MAST4: variants seen among roughly 807,000 people sequenced by gnomAD.
MAST4 encodes the protein microtubule-associated serine/threonine-protein kinase 4.
A neutral mutation model predicts 162.7 loss-of-function variants in MAST4; 89 were observed. The observed-to-expected ratio is 0.55, with a 90% CI of 0.46 to 0.65. MAST4 has a LOEUF of 0.65. Among genes scored for constraint, MAST4 ranks in the 30% least tolerant of loss-of-function variants. MAST4 has a pLI of 0.00. For missense variants in MAST4, 3,153 were observed against 3,374.0 expected, an observed-to-expected ratio of 0.93 and a Z score of 1.62; for synonymous variants, 1,479 against 1,361.1, an observed-to-expected ratio of 1.09 and a Z score of -1.91.
chr5:66,652,844 T>G (rs1199698337), intron 1 of MAST4, among the ~76,000 whole-genome samples: 1 of 152,222 alleles, frequency 6.6e-6, no homozygotes, highest in Non-Finnish European at 1.5e-5. Flanking sequence ...GGAAAAAAAT[T>G]TGTTTGCTCT....
chr5:66,988,197 G>C (rs550809983), intron 4 of MAST4, among the ~76,000 whole-genome samples: 1 of 152,156 alleles, frequency 6.6e-6, no homozygotes. Context: ...GAAAGAAAAC[G>C]TGCTTCATCT....
At chr5:67,056,014 A>G (rs1561585836) in intron 5 of MAST4, among the ~76,000 whole-genome samples, 1 of 149,452 alleles carries the variant, frequency 6.7e-6, no homozygotes, top group African/African-American at 2.4e-5. Context: ...ATATATATAT[A>G]TATGTACATG....
chr5:66,985,800 G>C (rs1749416892), intron 4 of MAST4, among the ~76,000 whole-genome samples: 1 of 152,092 alleles, frequency 6.6e-6, no homozygotes, highest in African/African-American at 2.4e-5. Flanking sequence ...CGTTGAATTA[G>C]AAAAAATAAA....
intron 10 of MAST4, among the ~76,000 whole-genome samples, chr5:67,107,744 T>G (rs1561661650): frequency 6.6e-6 from 1 of 152,240 alleles, no homozygotes; most frequent in Non-Finnish European, 1.5e-5. Context: ...GCTTAATGCC[T>G]TTTTGAAGTC....
chr5:66,945,084 C>G (rs932948789), intron 4 of MAST4, among the ~76,000 whole-genome samples: 2 of 152,060 alleles, frequency 1.3e-5, no homozygotes, highest in African/African-American at 4.8e-5. Context: ...GGTTTTAAAA[C>G]TTTTATATGG....
At chr5:66,655,644 G>T (rs1746498551) in intron 1 of MAST4, among the ~76,000 whole-genome samples, 1 of 152,132 alleles carries the variant, frequency 6.6e-6, no homozygotes, top group African/African-American at 2.4e-5. Flanking sequence ...ACGGCTCTTT[G>T]CTACAAAGAA....
intron 3 of MAST4, among the ~76,000 whole-genome samples, chr5:66,864,993 T>TA (rs11429175): frequency 0.87 from 131,763 of 152,160 alleles, 57,370 homozygotes; most frequent in Non-Finnish European, 0.92. Flanking sequence ...GCATTAGACA[T>TA]GGGGCAGTGC....
intron 3 of MAST4, among the ~76,000 whole-genome samples, chr5:66,801,092 G>T (rs1390809375): frequency 6.6e-6 from 1 of 152,086 alleles, no homozygotes; most frequent in Non-Finnish European, 1.5e-5. Context: ...ATTTTTCCTG[G>T]CTCAGCCCAT....
rs372874851 is a variant in MAST4, at chr5:67,163,643, C to T, written c.4464C>T (p.Ser1488=). 3.7e-6 allele frequency: 6 copies of T among 1,607,690 alleles called. No homozygotes were observed. Among genetic ancestry groups the T allele is most frequent in the Admixed American group, 1.7e-5 (1 of 59,236 alleles). ...CCCAGCGGGAGGCGCCGCTGCAGAG[C>T]CTGGATGAGAACGTGTGCGACGTGC... ...EQSQREAPLQ[S]LDENVCDVPP... The change falls in exon 29 of 29, where the codon AGC becomes AGT. Residue 1488 remains serine, a synonymous_variant. Coordinates refer to ENST00000403625, the MANE Select transcript of MAST4 (RefSeq NM_001164664.2). The surrounding 1 kb of genome is among the most constrained non-coding windows in gnomAD (Gnocchi z 7.0).
intron 1 of MAST4, among the ~76,000 whole-genome samples, chr5:66,748,085 C>G (rs754584005): frequency 6.6e-5 from 10 of 152,062 alleles, no homozygotes; most frequent in Non-Finnish European, 1.0e-4. Flanking sequence ...AGAAACATGA[C>G]TAGGTATGTG....
At chr5:66,858,712 T>C (rs79017026) in intron 3 of MAST4, among the ~76,000 whole-genome samples, 2,274 of 152,310 alleles carry the variant, frequency 0.015, 55 homozygotes, top group African/African-American at 0.051. Flanking sequence ...CCAAAACATA[T>C]CTACTTATAA....
Position 66,922,456 on chromosome 5 carries a change from C to T in MAST4, c.674+22474C>T, listed in dbSNP as rs575771246. ...CATGTCAAAGGACTATCTTTTAAAG[C>T]GACACATTGAATTTGGTCCCTAGTT... On this transcript the variant is annotated intron_variant, in intron 4 of 28. Coordinates refer to ENST00000403625, the MANE Select transcript of MAST4 (RefSeq NM_001164664.2). Among the ~76,000 whole-genome samples, 29 of 152,288 alleles carry T rather than the reference C, an allele frequency of 1.9e-4. No homozygotes were observed. The South Asian group carries it at 3.5e-3, about 19-fold the overall frequency.
intron 21 of MAST4, 166 bp downstream of exon 21, chr5:67,142,699 G>C: frequency 5.2e-6 from 3 of 581,464 alleles, no homozygotes. Flanking sequence ...CTTATAGTCT[G>C]TCCCTATCCC....
At chr5:67,162,539 A>G (rs180854496) in intron 27 of MAST4, 68 bp from the exon 28 acceptor site, 33 of 1,447,130 alleles carry the variant, frequency 2.3e-5, no homozygotes, top group African/African-American at 8.4e-5. Flanking sequence ...GCTGAGCACA[A>G]TGGTATTTTG....
At chr5:66,828,893 G>T in intron 3 of MAST4, 1 of 1,590,292 alleles carries the variant, frequency 6.3e-7, no homozygotes, top group South Asian at 1.1e-5. Flanking sequence ...GTAGGAGACT[G>T]CTCCATTCTT....
chr5:66,893,508 G>A (rs996129149), intron 3 of MAST4, among the ~76,000 whole-genome samples: 1 of 152,172 alleles, frequency 6.6e-6, no homozygotes, highest in East Asian at 1.9e-4. Context: ...GAGATTATAG[G>A]CATGAGCCAC....
intron 1 of MAST4, among the ~76,000 whole-genome samples, chr5:66,683,421 TAGC>T (rs1262149824): frequency 2.0e-5 from 3 of 152,198 alleles, no homozygotes; most frequent in Non-Finnish European, 4.4e-5. Context: ...CAGATTAACC[TAGC>T]ATCTAGCACC....
rs537936326 is a variant in MAST4 at position 66,741,384 on chromosome 5, T to A, written c.364-18325T>A. On this transcript the variant is annotated intron_variant, in intron 1 of 28. Coordinates refer to ENST00000403625, the MANE Select transcript of MAST4 (RefSeq NM_001164664.2). ...GGCACATAGTAGATGCTCAGTGAAT[T>A]TATATAAATCAGGCACCCACAAACC... 6.6e-4 allele frequency among the ~76,000 whole-genome samples: 101 copies of A among 152,268 alleles called. 2 individuals are homozygous for A. The highest frequency in any genetic ancestry group is 2.2e-4 in the Non-Finnish European group (15 of 68,020).
intron 4 of MAST4, among the ~76,000 whole-genome samples, chr5:67,041,002 T>C (rs1756672396): frequency 6.6e-6 from 1 of 152,246 alleles, no homozygotes; most frequent in African/African-American, 2.4e-5. Flanking sequence ...TCCTACCTTA[T>C]AGGATTGTCA....
Sources: gnomAD v4.1 joint callset for allele counts (sites outside exome capture counted in the v4.1 genomes callset) on GRCh38, gnomAD v4.1.1 for gene constraint, Gnocchi (gnomAD v3.1) non-coding constraint, MANE v1.5 for transcripts, NCBI Gene and HGNC (gene_info 2026-07-23, HGNC 2026-07-21) for gene names.